Variants in IQSEC1 observed in about 807,000 individuals in gnomAD.
The protein encoded by IQSEC1 is IQ motif and SEC7 domain-containing protein 1.
A neutral mutation model predicts 91.0 loss-of-function variants in IQSEC1; 31 were observed. That is an observed-to-expected ratio of 0.34 (90% CI 0.26 to 0.46). The LOEUF is 0.46. Ranked by LOEUF, IQSEC1 falls within the 20% of genes least tolerant of loss-of-function variation. The pLI, the probability that IQSEC1 is intolerant of heterozygous loss-of-function variation, is 1.00. For synonymous variants in IQSEC1, 699 were observed against 662.6 expected (o/e 1.05, Z -0.84); for missense variants, 1,388 against 1,575.6 (o/e 0.88, Z 2.02).
At position 12,967,163 on chromosome 3, in the gene IQSEC1, G is replaced by T. The variant is rs1185697827; in HGVS notation, c.24-25298C>A. On this transcript the variant is annotated intron_variant, in intron 1 of 13. Transcript: ENST00000613206. The surrounding 1 kb of genome is among the most constrained non-coding windows in gnomAD (Gnocchi z 5.9). ...GGCACACACAGCGCTCCTGTCCCAAGGGCGCGTCTCTCTCTCCCACGCACA... is the reference window on the plus strand; with the variant it reads ...GGCACACACAGCGCTCCTGTCCCAATGGCGCGTCTCTCTCTCCCACGCACA... 6.6e-6 allele frequency among the ~76,000 whole-genome samples: 1 copy of T among 152,038 alleles called. No homozygotes were observed. Among genetic ancestry groups the T allele is most frequent in the Admixed American group, 6.6e-5 (1 of 15,264 alleles).
At chr3:13,042,936 G>A (rs891818912) in intron 1 of IQSEC1, among the ~76,000 whole-genome samples, 1 of 152,152 alleles carries the variant, frequency 6.6e-6, no homozygotes, top group African/African-American at 2.4e-5. Flanking sequence ...TACGTTTGGC[G>A]GAATCCCTGT....
At position 12,951,978 on chromosome 3, in the gene IQSEC1, C is replaced by T. The variant is rs116686430; in HGVS notation, c.24-10113G>A. Among the ~76,000 whole-genome samples, 468 of 152,218 alleles carry T rather than the reference C, an allele frequency of 3.1e-3. 1 individual carries two copies. The highest frequency in any genetic ancestry group is 7.6e-3 in the African/African-American group (317 of 41,526). Reference sequence around the variant, plus strand: ...AGCCCTCACATGGAAAGATTTAGAGCGAGAGTCTGCAGGAAGCACTGGCAC... The same window carrying T: ...AGCCCTCACATGGAAAGATTTAGAGTGAGAGTCTGCAGGAAGCACTGGCAC... On this transcript the variant is annotated intron_variant, in intron 1 of 13. Coordinates refer to ENST00000613206, the MANE Select transcript of IQSEC1 (RefSeq NM_001134382.3).
chr3:13,158,263 C>A (rs958139580), intron 2 of IQSEC1, among the ~76,000 whole-genome samples: 2 of 152,232 alleles, frequency 1.3e-5, no homozygotes, highest in African/African-American at 4.8e-5. Flanking sequence ...CCATTCCTTC[C>A]TGGAGAGAAA....
intron 1 of IQSEC1, among the ~76,000 whole-genome samples, chr3:13,215,836 G>A (rs1694533359): frequency 6.6e-6 from 1 of 152,198 alleles, no homozygotes; most frequent in African/African-American, 2.4e-5. Flanking sequence ...TTTCTCAAAC[G>A]TCTCCTGTTG....
chr3:12,998,750 A>T (rs1182135566), intron 1 of IQSEC1, among the ~76,000 whole-genome samples: 1 of 152,172 alleles, frequency 6.6e-6, no homozygotes, highest in Non-Finnish European at 1.5e-5. Context: ...TGGTTTTGCC[A>T]TGTTGCCATG....
chr3:13,089,960 A>C (rs1395038141), intron 2 of IQSEC1, among the ~76,000 whole-genome samples: 4 of 152,248 alleles, frequency 2.6e-5, no homozygotes, highest in Admixed American at 2.6e-4. Flanking sequence ...TCACGCCTGT[A>C]ATCCCAGCAC....
chr3:13,168,258 T>C (rs1015393093), intron 1 of IQSEC1, among the ~76,000 whole-genome samples: 3 of 152,250 alleles, frequency 2.0e-5, no homozygotes, highest in Admixed American at 6.5e-5. Flanking sequence ...ATTTTTCTTA[T>C]ATGGCGTGAT....
At chr3:13,093,139 G>T (rs974265379) in intron 2 of IQSEC1, among the ~76,000 whole-genome samples, 1 of 152,136 alleles carries the variant, frequency 6.6e-6, no homozygotes, top group Non-Finnish European at 1.5e-5. Flanking sequence ...CCTGCCCAGG[G>T]CACAGTCTGT....
intron 1 of IQSEC1, among the ~76,000 whole-genome samples, chr3:13,013,322 C>T (rs1275591885): frequency 2.0e-5 from 3 of 152,184 alleles, no homozygotes; most frequent in East Asian, 1.9e-4. Context: ...CCCACTCTGC[C>T]GGCGGAGTCC....
At chr3:12,904,776 G>A (rs138617719) in intron 12 of IQSEC1, among the ~76,000 whole-genome samples, 1 of 152,180 alleles carries the variant, frequency 6.6e-6, no homozygotes, top group South Asian at 2.1e-4. Context: ...TGGCCTCCCC[G>A]TCTGTAACCG....
At chr3:13,048,721 G>A (rs1217173473) in intron 1 of IQSEC1, among the ~76,000 whole-genome samples, 1 of 152,194 alleles carries the variant, frequency 6.6e-6, no homozygotes, top group African/African-American at 2.4e-5. Flanking sequence ...GCTACTTCCT[G>A]TCTAGCTGCC....
chr3:13,237,680 A>C (rs1694956191), intron 1 of IQSEC1, among the ~76,000 whole-genome samples: 1 of 152,232 alleles, frequency 6.6e-6, no homozygotes, highest in African/African-American at 2.4e-5. Flanking sequence ...CTGCCCTTGG[A>C]GATGGTGCAC....
chr3:13,258,410 G>A (rs3894138), intron 1 of IQSEC1, among the ~76,000 whole-genome samples: 11,801 of 152,280 alleles, frequency 0.077, 583 homozygotes, highest in African/African-American at 0.12. Context: ...GGCCAGGTGT[G>A]ATGGCTCACA....
rs1007477950 is a variant in IQSEC1 at position 13,211,860 on chromosome 3, GCA to G, written c.273-47729_273-47728del. Among the ~76,000 whole-genome samples the G allele has an allele frequency of 2.0e-5, 3 of 152,170 alleles. No homozygotes were observed. The highest frequency in any genetic ancestry group is 4.4e-5 in the Non-Finnish European group (3 of 68,032). On this transcript the variant is annotated intron_variant, in intron 1 of 15. Transcript: ENST00000648114. The surrounding 1 kb of genome is among the most constrained non-coding windows in gnomAD (Gnocchi z 5.3). ...ATGCAGCCCTCGCCCACCCTCGCAGGCACAGTCCCTCCACGCTGGTTTCGTGT... is the reference window on the plus strand; with the variant it reads ...ATGCAGCCCTCGCCCACCCTCGCAGGCAGTCCCTCCACGCTGGTTTCGTGT...
intron 1 of IQSEC1, among the ~76,000 whole-genome samples, chr3:13,180,672 C>T (rs1249612423): frequency 1.3e-5 from 2 of 151,448 alleles, no homozygotes; most frequent in Non-Finnish European, 2.9e-5. Context: ...AGCTGTAACA[C>T]TCACTGCGAA....
intron 2 of IQSEC1, among the ~76,000 whole-genome samples, chr3:13,101,322 A>G (rs1366894354): frequency 6.6e-6 from 1 of 151,818 alleles, no homozygotes; most frequent in Non-Finnish European, 1.5e-5. Context: ...TCTACTAAAA[A>G]TACAAAAAAT....
chr3:12,989,916 A>C (rs1429150673), intron 1 of IQSEC1, among the ~76,000 whole-genome samples: 1 of 152,166 alleles, frequency 6.6e-6, no homozygotes, highest in Non-Finnish European at 1.5e-5. Flanking sequence ...AAGGCCTCCT[A>C]AGTTAGAGTG....
At chr3:13,082,479 C>T (rs1308427234) in intron 2 of IQSEC1, among the ~76,000 whole-genome samples, 4 of 152,206 alleles carry the variant, frequency 2.6e-5, no homozygotes, top group African/African-American at 7.2e-5. Flanking sequence ...TGGTACCCAG[C>T]GGGCATTCTC....
At chr3:12,993,397 C>G (rs1192118666) in intron 1 of IQSEC1, among the ~76,000 whole-genome samples, 4 of 151,958 alleles carry the variant, frequency 2.6e-5, no homozygotes, top group Non-Finnish European at 4.4e-5. Flanking sequence ...CTCAACCTCC[C>G]GCTCGCAGGC....
Sources: allele counts gnomAD v4.1 joint callset (sites outside exome capture counted in the v4.1 genomes callset), GRCh38; gene constraint gnomAD v4.1.1; non-coding constraint Gnocchi (gnomAD v3.1); transcripts MANE v1.5; gene names NCBI Gene and HGNC (gene_info 2026-07-23, HGNC 2026-07-21).